Variants in DYNC1I1 observed in about 807,000 individuals in gnomAD.
DYNC1I1 encodes the protein cytoplasmic dynein 1 intermediate chain 1.
A neutral mutation model predicts 86.6 loss-of-function variants in DYNC1I1; 43 were observed. The ratio of observed to expected loss-of-function variants is 0.50; its 90% CI spans 0.39 to 0.64. DYNC1I1 has a LOEUF of 0.64. Among genes scored for constraint, DYNC1I1 ranks in the 30% least tolerant of loss-of-function variants. The pLI is 0.00. For missense variants in DYNC1I1, 604 were observed against 788.8 expected, an observed-to-expected ratio of 0.77 and a Z score of 2.81; for synonymous variants, 262 against 283.7, an observed-to-expected ratio of 0.92 and a Z score of 0.77.
At chr7:95,851,525 C>T (rs898742981) in intron 5 of DYNC1I1, among the ~76,000 whole-genome samples, 3 of 151,740 alleles carry the variant, frequency 2.0e-5, no homozygotes, top group Admixed American at 1.3e-4. Flanking sequence ...TATTGATTTG[C>T]GTTCATGGGA....
intron 1 of DYNC1I1, among the ~76,000 whole-genome samples, chr7:95,777,636 C>A (rs1026234724): frequency 1.3e-5 from 2 of 152,172 alleles, no homozygotes; most frequent in South Asian, 4.1e-4. Flanking sequence ...ATAGAACAAC[C>A]CACTGTTTCA....
chr7:95,786,947 A>G (rs28697090), intron 1 of DYNC1I1, among the ~76,000 whole-genome samples: 7,021 of 152,250 alleles, frequency 0.046, 574 homozygotes, highest in African/African-American at 0.16. Flanking sequence ...CTTGAGCATC[A>G]ACATTCTTAC....
intron 5 of DYNC1I1, among the ~76,000 whole-genome samples, chr7:95,842,808 G>C (rs2116023094): frequency 6.6e-6 from 1 of 152,168 alleles, no homozygotes; most frequent in Admixed American, 6.5e-5. Flanking sequence ...GGTGGAGTGA[G>C]AGTTCTCAGC....
intron 7 of DYNC1I1, among the ~76,000 whole-genome samples, chr7:95,981,852 A>C (rs919479237): frequency 6.6e-5 from 10 of 152,288 alleles, no homozygotes; most frequent in African/African-American, 2.4e-4. Context: ...GAACTTGTTA[A>C]AAATAATTTA....
intron 6 of DYNC1I1, among the ~76,000 whole-genome samples, chr7:95,936,956 TCACACACACA>T (rs57989893): frequency 3.7e-5 from 5 of 134,284 alleles, no homozygotes; most frequent in African/African-American, 1.4e-4. Context: ...AGAATATGTC[TCACACACACA>T]CACACACACA....
chr7:95,847,494 G>T (rs1789464744), intron 5 of DYNC1I1, among the ~76,000 whole-genome samples: 1 of 152,164 alleles, frequency 6.6e-6, no homozygotes, highest in African/African-American at 2.4e-5. Context: ...TGTCAGAGAA[G>T]GGTTTAGACT....
intron 4 of DYNC1I1, among the ~76,000 whole-genome samples, chr7:95,815,862 C>T (rs1362470421): frequency 6.6e-6 from 1 of 152,122 alleles, no homozygotes; most frequent in Non-Finnish European, 1.5e-5. Context: ...GCCAAAATTT[C>T]AAACCAAAGC....
chr7:95,982,244 G>C (rs995161974), intron 7 of DYNC1I1, among the ~76,000 whole-genome samples: 1 of 152,092 alleles, frequency 6.6e-6, no homozygotes, highest in Non-Finnish European at 1.5e-5. Context: ...ATTATTTTGT[G>C]CTAACAAATC....
intron 10 of DYNC1I1, among the ~76,000 whole-genome samples, chr7:96,024,221 A>G (rs1203564488): frequency 6.6e-6 from 1 of 152,190 alleles, no homozygotes; most frequent in African/African-American, 2.4e-5. Flanking sequence ...CACCAACTTT[A>G]TAATTATTTT....
At chr7:95,807,904 T>C (rs1794738979) in intron 2 of DYNC1I1, among the ~76,000 whole-genome samples, 1 of 152,106 alleles carries the variant, frequency 6.6e-6, no homozygotes, top group Non-Finnish European at 1.5e-5. Flanking sequence ...TATGCTTTTG[T>C]TGTTGTTGTT....
chr7:96,102,665 CTG>C (rs1791152649), downstream of DYNC1I1, among the ~76,000 whole-genome samples: 1 of 152,186 alleles, frequency 6.6e-6, no homozygotes, highest in South Asian at 2.1e-4. Context: ...GCAGGTCAAA[CTG>C]TAGTGCTAAG....
intron 1 of DYNC1I1, among the ~76,000 whole-genome samples, chr7:95,792,928 C>T (rs895172738): frequency 1.3e-5 from 2 of 151,862 alleles, no homozygotes; most frequent in African/African-American, 4.8e-5. Flanking sequence ...AAATTGTGAA[C>T]TAGGGAGTGG....
chr7:96,003,256 G>C (rs1363962918), intron 10 of DYNC1I1, among the ~76,000 whole-genome samples: 1 of 152,180 alleles, frequency 6.6e-6, no homozygotes, highest in African/African-American at 2.4e-5. Flanking sequence ...TCCTTGGCTA[G>C]ACTACTCACA....
Position 95,933,142 on chromosome 7 carries a change from C to T in DYNC1I1, c.491-44370C>T, listed in dbSNP as rs987420103. 3.9e-5 allele frequency among the ~76,000 whole-genome samples: 6 copies of T among 152,048 alleles called. No individual in the cohort carries two copies. In the East Asian group the frequency reaches 7.7e-4, roughly 20 times the overall value. On this transcript the variant is annotated intron_variant, in intron 6 of 16. Coordinates refer to ENST00000447467, the MANE Select transcript of DYNC1I1 (RefSeq NM_001135556.2). ...AAGCAATCCTCCCACCTTGGCCTCC[C>T]GAAGTGCTGGGATTACAGATGTGAG...
rs766009286 is a variant in DYNC1I1 at position 96,032,729 on chromosome 7, C to T, written c.1179C>T (p.Ser393=). Residue 393 remains serine (S), a synonymous_variant, in exon 12 of 17, where the codon TCC becomes TCT. Transcript: ENST00000447467. ...ATGCTCATAACCTCATCACTGTCTC[C>T]ACTGATGGCAAAATGTGTTCCTGGA... The part of the protein sequence containing the change: ...TQNAHNLITV[S]TDGKMCSWSL... 4.3e-6 allele frequency: 7 copies of T among 1,613,742 alleles called. No homozygotes were observed. Among genetic ancestry groups the T allele is most frequent in the Non-Finnish European group, 5.1e-6 (6 of 1,179,740 alleles).
chr7:95,941,181 G>A (rs10250027), intron 6 of DYNC1I1, among the ~76,000 whole-genome samples: 128 of 152,082 alleles, frequency 8.4e-4, no homozygotes, highest in African/African-American at 2.9e-3. Context: ...CGGAGTACCC[G>A]GCTGTGTGAG....
chr7:96,064,017 C>T (rs1789876458), intron 14 of DYNC1I1, among the ~76,000 whole-genome samples: 1 of 152,098 alleles, frequency 6.6e-6, no homozygotes, highest in Admixed American at 6.5e-5. Flanking sequence ...GGAGAGGTGG[C>T]TTGGCTGATG....
chr7:95,834,890 C>G (rs1789031973), intron 5 of DYNC1I1, among the ~76,000 whole-genome samples: 1 of 151,822 alleles, frequency 6.6e-6, no homozygotes, highest in South Asian at 2.1e-4. Context: ...TGCTAGCAGT[C>G]TATGTATTTT....
chr7:96,022,217 T>C (rs971872122), intron 10 of DYNC1I1, among the ~76,000 whole-genome samples: 6 of 152,166 alleles, frequency 3.9e-5, no homozygotes, highest in African/African-American at 7.2e-5. Context: ...TGTTAAATGG[T>C]ATGTCATTGT....
Sources: allele counts gnomAD v4.1 joint callset (sites outside exome capture counted in the v4.1 genomes callset), GRCh38; gene constraint gnomAD v4.1.1; transcripts MANE v1.5; gene names NCBI Gene and HGNC (gene_info 2026-07-23, HGNC 2026-07-21).